Variants in ICA1 observed in about 807,000 individuals in gnomAD.
ICA1 encodes the protein islet cell autoantigen 1, also known as 69 kDa islet cell autoantigen.
In ICA1, 40 loss-of-function variants were observed where a neutral mutation model predicts 71.0. The observed-to-expected ratio is 0.56, with a 90% CI of 0.44 to 0.73. ICA1 has a LOEUF of 0.73. ICA1 is among the 30% of genes least tolerant of loss of function. The pLI is 0.00. For missense variants in ICA1, 578 were observed against 576.5 expected (o/e 1.00, Z -0.03); for synonymous variants, 207 against 209.5 (o/e 0.99, Z 0.10).
intron 6 of ICA1, among the ~76,000 whole-genome samples, chr7:8,210,548 T>C (rs1793315354): frequency 6.6e-6 from 1 of 152,104 alleles, no homozygotes; most frequent in Non-Finnish European, 1.5e-5. Flanking sequence ...AACAGACCAC[T>C]ATATAATTTC....
intron 6 of ICA1, among the ~76,000 whole-genome samples, chr7:8,170,789 T>C (rs1014523341): frequency 6.6e-6 from 1 of 152,056 alleles, no homozygotes; most frequent in African/African-American, 2.4e-5. Flanking sequence ...AAGACAGCTT[T>C]ACTTCTGTTT....
chr7:8,128,675 T>C (rs2128070537), intron 12 of ICA1, among the ~76,000 whole-genome samples: 1 of 152,174 alleles, frequency 6.6e-6, no homozygotes, highest in South Asian at 2.1e-4. Context: ...AAGAGAGGCA[T>C]CCTTACTTCC....
intron 6 of ICA1, among the ~76,000 whole-genome samples, chr7:8,200,512 G>A (rs1170280707): frequency 2.0e-5 from 3 of 152,212 alleles, no homozygotes; most frequent in African/African-American, 7.2e-5. Context: ...TCCTGTTTGG[G>A]GGACGCAATC....
chr7:8,161,030 G>A (rs1035687373), intron 6 of ICA1, among the ~76,000 whole-genome samples: 11 of 152,334 alleles, frequency 7.2e-5, no homozygotes, highest in Non-Finnish European at 1.6e-4. Context: ...GGTCCTGAAA[G>A]GCATCTGTCT....
chr7:8,239,754 C>A (rs189882551), intron 1 of ICA1, among the ~76,000 whole-genome samples: 92 of 152,354 alleles, frequency 6.0e-4, no homozygotes, highest in Admixed American at 2.2e-3. Flanking sequence ...TATCCCACGC[C>A]TGGCTCGGCA....
intron 6 of ICA1, among the ~76,000 whole-genome samples, chr7:8,174,078 A>T (rs1779718962): frequency 6.6e-6 from 1 of 152,160 alleles, no homozygotes; most frequent in Non-Finnish European, 1.5e-5. Flanking sequence ...GACCTGGAGG[A>T]AATGAGGAAG....
intron 12 of ICA1, among the ~76,000 whole-genome samples, chr7:8,133,846 CTTTTT>C (rs57086182): frequency 3.8e-4 from 45 of 118,882 alleles, no homozygotes; most frequent in African/African-American, 1.2e-3. Context: ...AAAAATCATA[CTTTTT>C]TTTTTTTTTT....
chr7:8,254,548 C>G (rs1809377493), intron 1 of ICA1, among the ~76,000 whole-genome samples: 1 of 149,642 alleles, frequency 6.7e-6, no homozygotes, highest in African/African-American at 2.5e-5. Flanking sequence ...ATCCCTTTTT[C>G]AGGTTCTCTC....
At chr7:8,243,905 A>G (rs1010825324) in intron 1 of ICA1, among the ~76,000 whole-genome samples, 1 of 152,260 alleles carries the variant, frequency 6.6e-6, no homozygotes, top group Non-Finnish European at 1.5e-5. Context: ...CCACTGCTCA[A>G]CGAAATAAAA....
intron 6 of ICA1, among the ~76,000 whole-genome samples, chr7:8,207,494 T>A (rs1022800723): frequency 6.6e-6 from 1 of 152,238 alleles, no homozygotes; most frequent in African/African-American, 2.4e-5. Flanking sequence ...TCACTTGGGA[T>A]AATTTTATTA....
chr7:8,166,780 T>G (rs1313123909), intron 6 of ICA1, among the ~76,000 whole-genome samples: 2 of 151,988 alleles, frequency 1.3e-5, no homozygotes, highest in South Asian at 2.1e-4. Flanking sequence ...ATAAGTAACT[T>G]AAATTTACAA....
At chr7:8,145,177 G>C (rs1281823473) in intron 8 of ICA1, among the ~76,000 whole-genome samples, 1 of 152,062 alleles carries the variant, frequency 6.6e-6, no homozygotes, top group East Asian at 1.9e-4. Context: ...TCTTGAGAAG[G>C]ACCAGCGTAT....
At chr7:8,153,430 G>C (rs1256152565) in intron 8 of ICA1, among the ~76,000 whole-genome samples, 2 of 152,150 alleles carry the variant, frequency 1.3e-5, no homozygotes, top group African/African-American at 2.4e-5. Flanking sequence ...GCCAGATAGA[G>C]GGAAAATGGT....
rs1415729402 is a variant in ICA1, at chr7:8,144,093, CT to C, written c.805-122del. On this transcript the variant is annotated intron_variant, in intron 8 of 13. Coordinates refer to ENST00000402384, the MANE Select transcript of ICA1 (RefSeq NM_001136020.3). This position sits in a 1 kb window ranked among gnomAD's most constrained non-coding sequence, Gnocchi z 4.5. ...ACTGCCATTTGTCCCAGCAACCAAACTTTGAATTACAGGTATTGGGAGGTGA... is the reference window on the plus strand; with the variant it reads ...ACTGCCATTTGTCCCAGCAACCAAACTTGAATTACAGGTATTGGGAGGTGA... 1 of 635,218 alleles carries C rather than the reference CT, an allele frequency of 1.6e-6. No homozygotes were observed. The highest frequency in any genetic ancestry group is 1.8e-5 in the African/African-American group (1 of 54,318). The allele number at this position is 635,218 out of a possible 1,614,324, so 39.3% of individuals were successfully genotyped here.
In ICA1 at chr7:8,123,162, C is replaced by T. The variant is rs1180356946; in HGVS notation, c.1330+4711G>A. Reference sequence around the variant, plus strand: ...CCAGCTAAAATTAACTTCATCTTCTCATTTTCAGCACAACTTGATTCTACA... The same window carrying T: ...CCAGCTAAAATTAACTTCATCTTCTTATTTTCAGCACAACTTGATTCTACA... On this transcript the variant is annotated intron_variant, in intron 13 of 13. Transcript: ENST00000402384. The surrounding 1 kb of genome is among the most constrained non-coding windows in gnomAD (Gnocchi z 4.1). Among the ~76,000 whole-genome samples the T allele has an allele frequency of 1.3e-5, 2 of 152,226 alleles. No homozygotes were observed. The highest frequency in any genetic ancestry group is 2.1e-4 in the South Asian group (1 of 4,832).
chr7:8,250,374 C>T (rs1432439697), intron 1 of ICA1, among the ~76,000 whole-genome samples: 3 of 152,162 alleles, frequency 2.0e-5, no homozygotes, highest in Non-Finnish European at 4.4e-5. Context: ...AAATCCTGTT[C>T]TCAAGTGGTT....
chr7:8,114,344 C>T (rs1378182947), intron 13 of ICA1, among the ~76,000 whole-genome samples: 1 of 152,132 alleles, frequency 6.6e-6, no homozygotes, highest in African/African-American at 2.4e-5. Flanking sequence ...ACCCTCGGGC[C>T]CTGCCACTTC....
Position 8,130,979 on chromosome 7 carries a change from C to T in ICA1, c.1061-2837G>A, listed in dbSNP as rs1791236032. On this transcript the variant is annotated intron_variant, in intron 12 of 13. Transcript: ENST00000402384. This position sits in a 1 kb window ranked among gnomAD's most constrained non-coding sequence, Gnocchi z 4.2. ...AGATGCCTCTGGAAATGACTCCTTA[C>T]CCTCCACCCCAGTGAATGACTGATG... Among the ~76,000 whole-genome samples the T allele has an allele frequency of 2.0e-5, 3 of 152,176 alleles. No homozygotes were observed. The South Asian group carries it at 6.2e-4, about 31-fold the overall frequency.
chr7:8,218,625 AT>A (rs1708702438), intron 5 of ICA1, 122 bp from the exon 6 acceptor site: 1 of 749,660 alleles, frequency 1.3e-6, no homozygotes, highest in African/African-American at 1.7e-5. Flanking sequence ...AAGATGCTCC[AT>A]CAATATTTGC....
Sources: gnomAD v4.1 joint callset for allele counts (sites outside exome capture counted in the v4.1 genomes callset) on GRCh38, gnomAD v4.1.1 for gene constraint, Gnocchi (gnomAD v3.1) non-coding constraint, MANE v1.5 for transcripts, NCBI Gene and HGNC (gene_info 2026-07-23, HGNC 2026-07-21) for gene names.